The following COL20A1 variants were observed in gnomAD, a reference collection of about 807,000 sequenced individuals.
The protein encoded by COL20A1 is collagen type XX alpha 1 chain.
A neutral mutation model predicts 152.9 loss-of-function variants in COL20A1; 164 were observed. The ratio of observed to expected loss-of-function variants is 1.07; its 90% CI spans 0.94 to 1.22. COL20A1 has a LOEUF of 1.22. Among genes scored for constraint, COL20A1 ranks in the 50% most tolerant of loss-of-function variants. The pLI is 0.00. For missense variants in COL20A1, 1,873 were observed against 1,744.8 expected, an observed-to-expected ratio of 1.07 and a Z score of -1.31; for synonymous variants, 864 against 756.0, an observed-to-expected ratio of 1.14 and a Z score of -2.34.
chr20:63,328,548 C>T (rs777947872), intron 34 of COL20A1, 50 bp downstream of exon 34: 17 of 1,538,514 alleles, frequency 1.1e-5, no homozygotes, highest in South Asian at 3.5e-5. Flanking sequence ...GTGGGGGCGC[C>T]GGTTGTCCCC....
Position 63,295,844 on chromosome 20 carries a change from G to C in COL20A1, c.82+655G>C, listed in dbSNP as rs571928454. Reference sequence around the variant, plus strand: ...TTTCCGTGTCTATGGAGAAGGCTCCGGGGCCTCGGCCACGCTGTAAACTTG... The same window carrying C: ...TTTCCGTGTCTATGGAGAAGGCTCCCGGGCCTCGGCCACGCTGTAAACTTG... On this transcript the variant is annotated intron_variant, in intron 2 of 35. Coordinates refer to ENST00000358894, the MANE Select transcript of COL20A1 (RefSeq NM_020882.4). Among the ~76,000 whole-genome samples, 182 of 152,374 alleles carry C rather than the reference G, an allele frequency of 1.2e-3. 1 individual carries two copies. Among genetic ancestry groups the C allele is most frequent in the African/African-American group, 4.1e-3 (170 of 41,598 alleles).
chr20:63,316,450 T>C (rs917666653), intron 20 of COL20A1, 103 bp from the exon 21 acceptor site: 14 of 330,438 alleles, frequency 4.2e-5, no homozygotes, highest in African/African-American at 3.6e-4. Flanking sequence ...CCCACCGCAC[T>C]GCAGCCCCTG....
At chr20:63,315,559 G>C in intron 20 of COL20A1, 120 bp downstream of exon 20, 1 of 970,946 alleles carries the variant, frequency 1.0e-6, no homozygotes. Context: ...AGGATGTTTG[G>C]GCGGGTTTGT....
At position 63,328,061 on chromosome 20, in the gene COL20A1, C is replaced by T. The variant is rs779463031; in HGVS notation, c.3565-18C>T. 5 of 1,613,480 alleles carry T rather than the reference C, an allele frequency of 3.1e-6. No homozygotes were observed. Among genetic ancestry groups the T allele is most frequent in the South Asian group, 1.1e-5 (1 of 90,982 alleles). Reference sequence around the variant, plus strand: ...ACCTGCCACACGGGTCCCAAAGCTGCACCACCTTCCCTTCCAGGGCGAGCC... The same window carrying T: ...ACCTGCCACACGGGTCCCAAAGCTGTACCACCTTCCCTTCCAGGGCGAGCC... On this transcript the variant is annotated intron_variant, in intron 32 of 35. Transcript: ENST00000358894.
At chr20:63,326,568 C>G (rs2068252599) in intron 30 of COL20A1, among the ~76,000 whole-genome samples, 184 bp from the exon 31 acceptor site, 1 of 152,010 alleles carries the variant, frequency 6.6e-6, no homozygotes, top group Non-Finnish European at 1.5e-5. Flanking sequence ...GCATGGGGAG[C>G]CAGGGCCTGG....
rs369936311 is a variant in COL20A1 at position 63,310,401 on chromosome 20, C to G, written c.1284C>G (p.Ala428=). ...TPREVVVEGP[A]ASTELHNLAS... ...TCCAGGTGGTGGTGGAGGGACCCGC[C>G]GCCTCCACGGAGCTGCACAACCTGG... is the stretch of plus-strand genomic sequence containing the variant. Residue 428 remains alanine (A), a synonymous_variant, in exon 11 of 36, where the codon GCC becomes GCG. Transcript: ENST00000358894. The G allele has an allele frequency of 6.2e-7, 1 of 1,610,934 alleles. No individual in the cohort carries two copies. Among genetic ancestry groups the G allele is most frequent in the Non-Finnish European group, 8.5e-7 (1 of 1,179,222 alleles).
At position 63,319,148 on chromosome 20, in the gene COL20A1, G is replaced by A. The variant is rs1423537192; in HGVS notation, c.2754G>A (p.Leu918=). 3.1e-6 allele frequency: 5 copies of A among 1,612,914 alleles called. No individual in the cohort carries two copies. Among genetic ancestry groups the A allele is most frequent in the Non-Finnish European group, 4.2e-6 (5 of 1,179,776 alleles). ...LPETPREAFA[L]WQMTAEDFQP... is the part of the protein sequence containing the mutation. ...AGACACCCCGTGAGGCCTTCGCGCT[G>A]TGGCAGATGACAGCCGAGGACTTCC... Residue 918 remains leucine (L), a synonymous_variant, in exon 22 of 36, where the codon CTG becomes CTA. Coordinates refer to ENST00000358894, the MANE Select transcript of COL20A1 (RefSeq NM_020882.4). This position sits in a 1 kb window ranked among gnomAD's most constrained non-coding sequence, Gnocchi z 4.4.
rs532892167 is a variant in COL20A1 at position 63,306,789 on chromosome 20, C to T, written c.497-701C>T. The stretch of plus-strand genomic sequence containing the variant: ...TCCTCAGAAGCAGGATTCTACCTCC[C>T]CCGTCAGACTTGGAACTGAAGGAAG... On this transcript the variant is annotated intron_variant, in intron 5 of 35. Coordinates refer to ENST00000358894, the MANE Select transcript of COL20A1 (RefSeq NM_020882.4). The surrounding 1 kb of genome is among the most constrained non-coding windows in gnomAD (Gnocchi z 6.9). 1.3e-5 allele frequency among the ~76,000 whole-genome samples: 2 copies of T among 152,320 alleles called. No individual in the cohort carries two copies. The highest frequency in any genetic ancestry group is 6.5e-5 in the Admixed American group (1 of 15,310).
intron 30 of COL20A1, 44 bp downstream of exon 30, chr20:63,326,193 CTG>C: frequency 2.0e-6 from 3 of 1,530,198 alleles, no homozygotes; most frequent in Non-Finnish European, 2.7e-6. Context: ...CCCAGGGTTC[CTG>C]TGTTCCAGGG....
Position 63,306,730 on chromosome 20 carries a change from A to G in COL20A1, c.496+691A>G, listed in dbSNP as rs969629508. Among the ~76,000 whole-genome samples, 5 of 152,204 alleles carry G rather than the reference A, an allele frequency of 3.3e-5. No individual in the cohort carries two copies. Among genetic ancestry groups the G allele is most frequent in the Non-Finnish European group, 5.9e-5 (4 of 68,016 alleles). On this transcript the variant is annotated intron_variant, in intron 5 of 35. Transcript: ENST00000358894. The surrounding 1 kb of genome is among the most constrained non-coding windows in gnomAD (Gnocchi z 6.9). Reference sequence around the variant, plus strand: ...GGCTGGGCTTCCCCATAGAACTGGGAGGGCCTGGCTTTGTCTCCTCCATCA... The same window carrying G: ...GGCTGGGCTTCCCCATAGAACTGGGGGGGCCTGGCTTTGTCTCCTCCATCA...
chr20:63,312,577 G>T (rs766083610), intron 15 of COL20A1, 28 bp downstream of exon 15: 1 of 1,542,846 alleles, frequency 6.5e-7, no homozygotes, highest in East Asian at 2.3e-5. Flanking sequence ...GGGGCTGGGG[G>T]TCCAGCAGGG....
chr20:63,321,377 G>A (rs1037960786), intron 26 of COL20A1, among the ~76,000 whole-genome samples: 9 of 151,942 alleles, frequency 5.9e-5, no homozygotes, highest in Non-Finnish European at 1.2e-4. Context: ...TTGGGAAGGG[G>A]GGCCAGGCGC....
At chr20:63,322,165 G>C in intron 27 of COL20A1, 54 bp downstream of exon 27, 1 of 1,346,688 alleles carries the variant, frequency 7.4e-7, no homozygotes, top group South Asian at 1.4e-5. Context: ...CCTACCAGAA[G>C]AGAACACCCC....
At chr20:63,317,862 GC>G (rs1380660993) in intron 21 of COL20A1, among the ~76,000 whole-genome samples, 1 of 151,914 alleles carries the variant, frequency 6.6e-6, no homozygotes, top group African/African-American at 2.4e-5. Flanking sequence ...TGGTGTAGAC[GC>G]CCCCCGCCCC....
chr20:63,329,883 C>T lies in COL20A1; in HGVS notation c.*3+222C>T, dbSNP rs372338053. Among the ~76,000 whole-genome samples the T allele has an allele frequency of 5.3e-5, 8 of 150,124 alleles. No homozygotes were observed. The South Asian group carries it at 1.1e-3, about 20-fold the overall frequency. ...GGTCACAGGGTGTGGGGTCACAGGG[C>T]GTGGGGTCACAGGACGTGGGGTTCC... On this transcript the variant is annotated intron_variant, in intron 35 of 35. Transcript: ENST00000358894.
intron 34 of COL20A1, 45 bp from the exon 35 acceptor site, chr20:63,329,539 AG>A: frequency 2.0e-6 from 3 of 1,502,860 alleles, no homozygotes; most frequent in Non-Finnish European, 2.7e-6. Context: ...CAGGGCCCCA[AG>A]CCACTGCATT....
rs1197741317 is a variant in COL20A1, at chr20:63,321,086, C to T, written c.3227C>T (p.Pro1076Leu). The change falls in exon 26 of 36, where the codon CCT becomes CTT. Residue 1076 changes from proline to leucine, a missense_variant. Physicochemically the swap from Pro to Leu is moderately conservative, Grantham distance 98. Transcript: ENST00000358894. The part of the protein sequence containing the change: ...CSSETPGPPG[P>L]QGPPGLPGRN... ...TCAGAGACCCCTGGGCCCCCAGGAC[C>T]TCAAGGACCCCCAGTGAGTCCAGTG... 1 of 1,597,788 alleles carries T rather than the reference C, an allele frequency of 6.3e-7. No individual in the cohort carries two copies. The highest frequency in any genetic ancestry group is 1.7e-5 in the Admixed American group (1 of 58,286).
intron 1 of COL20A1, among the ~76,000 whole-genome samples, chr20:63,294,480 C>T (rs1488008011): frequency 1.3e-5 from 2 of 152,006 alleles, no homozygotes; most frequent in African/African-American, 4.8e-5. Context: ...CCACTCAGCT[C>T]TCCAGTGGCC....
rs1199318022 is a variant in COL20A1, at chr20:63,334,403, AC to A, written c.*3688del. On this transcript the variant is annotated 3_prime_UTR_variant, in exon 36 of 36. Coordinates refer to ENST00000358894, the MANE Select transcript of COL20A1 (RefSeq NM_020882.4). ...TAGAGGGCAATTTATAGCTGTAAAT[AC>A]AGTGCTTTGTTTTGTTTTCTTGTTT... 6.6e-6 allele frequency: 1 copy of A among 152,218 alleles called. No homozygotes were observed. Among genetic ancestry groups the A allele is most frequent in the African/African-American group, 2.4e-5 (1 of 41,450 alleles). 9.4% of individuals were successfully genotyped at this position (152,218 alleles called of 1,614,324 possible). A position where few individuals can be genotyped will look rare whatever the true frequency, so the allele number is the denominator to read the frequency against.
Sources: allele counts gnomAD v4.1 joint callset (sites outside exome capture counted in the v4.1 genomes callset), GRCh38; gene constraint gnomAD v4.1.1; non-coding constraint Gnocchi (gnomAD v3.1); transcripts MANE v1.5; gene names NCBI Gene and HGNC (gene_info 2026-07-23, HGNC 2026-07-21).